Variants in USP18 observed in about 807,000 individuals in gnomAD.
The protein encoded by USP18 is ubiquitin specific peptidase 18, also known as ubl carboxyl-terminal hydrolase 18.
In USP18, 11 loss-of-function variants were observed where a neutral mutation model predicts 48.7. The ratio of observed to expected loss-of-function variants is 0.23; its 90% CI spans 0.14 to 0.37. The LOEUF (loss-of-function observed/expected upper bound fraction) is 0.37, where lower values mean the gene tolerates loss of function less well. USP18 is among the 10% of genes least tolerant of loss of function. USP18 has a pLI of 1.00. For missense variants in USP18, 285 were observed against 436.4 expected (o/e 0.65, Z 3.09); for synonymous variants, 114 against 163.2 (o/e 0.70, Z 2.30).
intron 10 of USP18, among the ~76,000 whole-genome samples, chr22:18,174,706 A>T (rs186296490): frequency 1.3e-5 from 2 of 152,064 alleles, no homozygotes; most frequent in African/African-American, 2.4e-5. Flanking sequence ...CTCCCACCTC[A>T]GCCTCCTGAA....
Position 18,170,838 on chromosome 22 carries a change from G to A in USP18, c.809G>A (p.Cys270Tyr). 1 of 1,573,986 alleles carries A rather than the reference G, an allele frequency of 6.4e-7. No individual in the cohort carries two copies. Residue 270 changes from cysteine (C) to tyrosine (Y), a missense_variant, in exon 8 of 11, where the codon TGC (cysteine) becomes TAC (tyrosine). This residue lies in a region of USP18 where 34 missense variants were observed against 94.8 expected (regional missense o/e 0.36). Transcript: ENST00000215794. The stretch of plus-strand genomic sequence containing the variant: ...AGGAATTCACAGACGAGAAAGATCT[G>A]CCACTCCCTGTACTTCCCCCAGAGC... Reference protein sequence around the residue: ...SIRNSQTRKICHSLYFPQSLD... With the variant: ...SIRNSQTRKIYHSLYFPQSLD...
intron 8 of USP18, among the ~76,000 whole-genome samples, chr22:18,171,744 A>G (rs1231346707): frequency 1.3e-5 from 2 of 151,918 alleles, no homozygotes; most frequent in Non-Finnish European, 2.9e-5. Flanking sequence ...CTATTTTTGG[A>G]GTGTCTCTTC....
intron 6 of USP18, among the ~76,000 whole-genome samples, chr22:18,168,934 C>T (rs1334918289): frequency 6.6e-6 from 1 of 152,132 alleles, no homozygotes; most frequent in Non-Finnish European, 1.5e-5. Context: ...CCTCATACTG[C>T]TCCCTTAATA....
chr22:18,160,131 C>A (rs187526251), intron 2 of USP18, 41 bp from the exon 3 acceptor site: 1 of 1,592,432 alleles, frequency 6.3e-7, no homozygotes, highest in Non-Finnish European at 8.6e-7. Flanking sequence ...CTTCTTTACC[C>A]TAGGCCTTGC....
At chr22:18,173,072 A>T in intron 8 of USP18, 78 bp from the exon 9 acceptor site, 1 of 1,589,918 alleles carries the variant, frequency 6.3e-7, no homozygotes, top group Non-Finnish European at 8.6e-7. Flanking sequence ...AGTCGGGCCT[A>T]GTGTGGGCAG....
chr22:18,151,030 G>GT (rs1204096599), intron 1 of USP18, among the ~76,000 whole-genome samples: 1 of 152,188 alleles, frequency 6.6e-6, no homozygotes, highest in Non-Finnish European at 1.5e-5. Flanking sequence ...GTTGTTTCCA[G>GT]TTTTTACTGG....
chr22:18,160,268 G>C lies in USP18; in HGVS notation c.254G>C (p.Arg85Thr). 1 of 1,613,956 alleles carries C rather than the reference G, an allele frequency of 6.2e-7. No individual in the cohort carries two copies. Among genetic ancestry groups the C allele is most frequent in the Non-Finnish European group, 8.5e-7 (1 of 1,179,850 alleles). Residue 85 changes from arginine (R) to threonine (T), a missense_variant and splice_region_variant, in exon 3 of 11, where the codon AGG (arginine) becomes ACG (threonine). Transcript: ENST00000215794. Reference sequence around the variant, plus strand: ...GTGGACTTCACCAGGATATTGAAGAGGTAAGACTGTTCTTCAGGCTGATGA... The same window carrying C: ...GTGGACTTCACCAGGATATTGAAGACGTAAGACTGTTCTTCAGGCTGATGA... ...MNVDFTRILKRITVPRGADEQ... is the reference protein window; with the variant it reads ...MNVDFTRILKTITVPRGADEQ...
intron 1 of USP18, among the ~76,000 whole-genome samples, chr22:18,157,227 G>C (rs1368553272): frequency 3.9e-5 from 6 of 152,242 alleles, no homozygotes; most frequent in African/African-American, 1.4e-4. Context: ...CTGGCATCAG[G>C]GGCTGAGAGT....
chr22:18,151,506 A>G (rs930995207), intron 1 of USP18, among the ~76,000 whole-genome samples: 1 of 152,214 alleles, frequency 6.6e-6, no homozygotes, highest in Non-Finnish European at 1.5e-5. Flanking sequence ...GCACGGCTTC[A>G]TATTGATTTA....
chr22:18,156,032 A>G (rs1929127089), intron 1 of USP18, among the ~76,000 whole-genome samples: 1 of 152,214 alleles, frequency 6.6e-6, no homozygotes. Flanking sequence ...TATCTAGCTC[A>G]AGGTTTGTAA....
intron 2 of USP18, among the ~76,000 whole-genome samples, chr22:18,158,698 C>A (rs1288337893): frequency 6.6e-6 from 1 of 152,198 alleles, no homozygotes; most frequent in Non-Finnish European, 1.5e-5. Context: ...GTTCCTTCTG[C>A]CTTTCAGCCT....
chr22:18,160,351 G>A lies in USP18; in HGVS notation c.254+83G>A, dbSNP rs142149830. ...GATGGAGTCTTGCTCTGTTGCCCAG[G>A]CTGGAGTGCAGTGGCATGATCTTGG... On this transcript the variant is annotated intron_variant, in intron 3 of 10. Transcript: ENST00000215794. 1,324 of 1,532,456 alleles carry A rather than the reference G, an allele frequency of 8.6e-4. 13 individuals are homozygous for A. In the African/African-American group the frequency reaches 0.012, roughly 14 times the overall value. 94.9% of individuals were successfully genotyped at this position (1,532,456 alleles called of 1,614,324 possible).
In USP18 at chr22:18,168,005, T is replaced by C. The variant is rs1929527432; in HGVS notation, c.596T>C (p.Phe199Ser). ...SSMLTLPLSLFDVDSKPLKTL... is the reference protein window; with the variant it reads ...SSMLTLPLSLSDVDSKPLKTL... ...ATGCTCACCCTCCCACTTTCTCTTT[T>C]TGATGTGGACTCAAAGCCCCTGAAG... The change falls in exon 6 of 11, where the codon TTT becomes TCT. Residue 199 changes from phenylalanine to serine, a missense_variant. By Grantham distance (155) the Phe-to-Ser change is radical (BLOSUM62 -2). Transcript: ENST00000215794. The C allele has an allele frequency of 6.2e-7, 1 of 1,614,224 alleles. No individual in the cohort carries two copies. The highest frequency in any genetic ancestry group is 1.1e-5 in the South Asian group (1 of 91,084).
At chr22:18,176,126 C>G (rs1316256485) in intron 10 of USP18, among the ~76,000 whole-genome samples, 1 of 101,928 alleles carries the variant, frequency 9.8e-6, no homozygotes, top group Admixed American at 9.9e-5. Flanking sequence ...ACTAAAAATA[C>G]AAAAAGTTAG....
At chr22:18,156,015 C>G (rs1176310300) in intron 1 of USP18, among the ~76,000 whole-genome samples, 1 of 152,230 alleles carries the variant, frequency 6.6e-6, no homozygotes, top group African/African-American at 2.4e-5. Context: ...TACCAATCGG[C>G]ACTCTGTATC....
At chr22:18,157,064 C>A (rs940986380) in intron 1 of USP18, among the ~76,000 whole-genome samples, 1 of 152,236 alleles carries the variant, frequency 6.6e-6, no homozygotes, top group African/African-American at 2.4e-5. Context: ...GTGCCTAAGG[C>A]CGACAGGTAG....
chr22:18,171,491 G>A (rs1353194587), intron 8 of USP18, among the ~76,000 whole-genome samples: 1 of 150,886 alleles, frequency 6.6e-6, no homozygotes, highest in Non-Finnish European at 1.5e-5. Flanking sequence ...AAATTAGCTG[G>A]GTGTGGTAGC....
In USP18 at chr22:18,174,490, A is replaced by G. The variant is rs181208147; in HGVS notation, c.1073+648A>G. 6.1e-3 allele frequency among the ~76,000 whole-genome samples: 924 copies of G among 152,194 alleles called. 7 individuals carry two copies. The highest frequency in any genetic ancestry group is 9.1e-3 in the Non-Finnish European group (619 of 68,002). On this transcript the variant is annotated intron_variant, in intron 10 of 10. Coordinates refer to ENST00000215794, the MANE Select transcript of USP18 (RefSeq NM_017414.4). ...CATGATCCACCTGCCTCAGCCTCCC[A>G]AAGTGCTGGGATTACAGGCATGAGC...
intron 1 of USP18, among the ~76,000 whole-genome samples, chr22:18,152,350 T>C (rs1445941308): frequency 6.6e-6 from 1 of 152,048 alleles, no homozygotes; most frequent in African/African-American, 2.4e-5. Context: ...AGGACCCCGA[T>C]TGGTCCTGGG....
Sources: gnomAD v4.1 joint callset for allele counts (sites outside exome capture counted in the v4.1 genomes callset) on GRCh38, gnomAD v4.1.1 for gene constraint, gnomAD v4.1.1 regional missense constraint, MANE v1.5 for transcripts, NCBI Gene and HGNC (gene_info 2026-07-23, HGNC 2026-07-21) for gene names.